The following DGKD variants were observed in gnomAD, a reference collection of about 807,000 sequenced individuals.
DGKD encodes DAG kinase delta.
A neutral mutation model predicts 154.4 loss-of-function variants in DGKD; 68 were observed. The observed-to-expected ratio is 0.44, with a 90% CI of 0.36 to 0.54. The LOEUF is 0.54. Among genes scored for constraint, DGKD ranks in the 20% least tolerant of loss-of-function variants. The probability of loss-of-function intolerance (pLI) is 0.00; values close to 1 mark genes in which losing one functional copy is unlikely to be tolerated. For synonymous variants in DGKD, 693 were observed against 638.0 expected (o/e 1.09, Z -1.30); for missense variants, 1,343 against 1,593.6 (o/e 0.84, Z 2.68).
At chr2:233,409,014 C>A (rs193298693) in intron 3 of DGKD, 2 of 152,222 alleles carry the variant, frequency 1.3e-5, no homozygotes, top group African/African-American at 4.8e-5. Flanking sequence ...CAAGCAGGCA[C>A]AGGGAGAAGA....
chr2:233,428,838 C>T (rs953694483), intron 3 of DGKD, among the ~76,000 whole-genome samples: 1 of 152,106 alleles, frequency 6.6e-6, no homozygotes, highest in African/African-American at 2.4e-5. Flanking sequence ...TCTCAGGCTT[C>T]TTCACAACAG....
rs747669327 is a variant in DGKD at position 233,354,552 on chromosome 2, C to A, written c.34C>A (p.Pro12Thr). The change falls in exon 1 of 30, where the codon CCC (proline) becomes ACC (threonine). Residue 12 changes from proline to threonine, a missense_variant. Physicochemically the swap from Pro to Thr is conservative, Grantham distance 38. Transcript: ENST00000264057. The surrounding 1 kb of genome is among the most constrained non-coding windows in gnomAD (Gnocchi z 4.8). ...AAAAGAPPPG[P>T]PQPPPPPPPE... ...GGCGGCGGGCGCCCCTCCGCCGGGTCCCCCGCAACCGCCTCCGCCGCCGCC... is the reference window on the plus strand; with the variant it reads ...GGCGGCGGGCGCCCCTCCGCCGGGTACCCCGCAACCGCCTCCGCCGCCGCC... The A allele has an allele frequency of 2.0e-4, 209 of 1,023,558 alleles. 1 individual carries two copies. In the African/African-American group the frequency reaches 3.4e-3, roughly 17 times the overall value. The allele number at this position is 1,023,558 out of a possible 1,614,324, so 63.4% of individuals were successfully genotyped here.
At chr2:233,380,574 ACTGGGGCAGTG>A (rs1228242394) in intron 1 of DGKD, among the ~76,000 whole-genome samples, 4 of 152,180 alleles carry the variant, frequency 2.6e-5, no homozygotes, top group African/African-American at 9.7e-5. Context: ...CTTGACCAGT[ACTGGGGCAGTG>A]GGGATTAGCC....
In DGKD at chr2:233,426,600, C is replaced by T. The variant is rs77154645; in HGVS notation, c.349-7780C>T. Among the ~76,000 whole-genome samples the T allele has an allele frequency of 7.5e-3, 1,136 of 152,210 alleles. 15 individuals carry two copies. The highest frequency in any genetic ancestry group is 0.026 in the African/African-American group (1,071 of 41,524). On this transcript the variant is annotated intron_variant, in intron 3 of 29. Coordinates refer to ENST00000264057, the MANE Select transcript of DGKD (RefSeq NM_152879.3). ...CGTCTTGTGTCAGGCTTATTTCTTT[C>T]GCTGTTGTAAGATTCATTACATTAT...
chr2:233,460,458 G>A (rs2063593266), intron 24 of DGKD, 113 bp downstream of exon 24: 17 of 1,378,452 alleles, frequency 1.2e-5, no homozygotes, highest in Non-Finnish European at 1.5e-5. Flanking sequence ...TGTGGGGTCT[G>A]CATTACCCAT....
In DGKD at chr2:233,449,004, C is replaced by G; in HGVS notation, c.1615-99C>G. ...GGAGAGTTAGGATTTTCCTTTTGAT[C>G]GAGTTCTAGGAAGTCTGGGTGAAAT... On this transcript the variant is annotated intron_variant, in intron 14 of 29. Coordinates refer to ENST00000264057, the MANE Select transcript of DGKD (RefSeq NM_152879.3). The surrounding 1 kb of genome is among the most constrained non-coding windows in gnomAD (Gnocchi z 5.3). 1 of 1,416,450 alleles carries G rather than the reference C, an allele frequency of 7.1e-7. No individual in the cohort carries two copies. The highest frequency in any genetic ancestry group is 9.4e-7 in the Non-Finnish European group (1 of 1,059,100). 87.7% of individuals were successfully genotyped at this position (1,416,450 alleles called of 1,614,324 possible).
chr2:233,400,329 C>T (rs2061528785), intron 3 of DGKD, among the ~76,000 whole-genome samples: 1 of 152,168 alleles, frequency 6.6e-6, no homozygotes, highest in Admixed American at 6.5e-5. Flanking sequence ...GGCCTGAGCC[C>T]TGGCCAGGTC....
chr2:233,453,493 A>C (rs930309693), intron 18 of DGKD, among the ~76,000 whole-genome samples: 3 of 152,202 alleles, frequency 2.0e-5, no homozygotes, highest in African/African-American at 7.2e-5. Context: ...GCTGTCGGGC[A>C]CTTGAATTAG....
intron 1 of DGKD, among the ~76,000 whole-genome samples, chr2:233,358,979 G>C (rs543422857): frequency 1.3e-5 from 2 of 152,184 alleles, no homozygotes; most frequent in Non-Finnish European, 2.9e-5. Context: ...AAAAGCTGCC[G>C]TAACATTTTA....
intron 19 of DGKD, 45 bp from the exon 20 acceptor site, chr2:233,456,854 C>T (rs757523087): frequency 1.5e-5 from 22 of 1,481,176 alleles, no homozygotes; most frequent in Admixed American, 5.1e-5. Flanking sequence ...GTTAACTATA[C>T]GAAGAAAGCC....
chr2:233,376,979 C>T (rs1702605598), intron 1 of DGKD, among the ~76,000 whole-genome samples: 1 of 151,542 alleles, frequency 6.6e-6, no homozygotes, highest in East Asian at 1.9e-4. Context: ...GTTAATCCTT[C>T]CATTGTTTCT....
At chr2:233,384,183 A>G (rs571482588) in intron 1 of DGKD, among the ~76,000 whole-genome samples, 18 of 152,244 alleles carry the variant, frequency 1.2e-4, no homozygotes, top group Admixed American at 1.0e-3. Context: ...TCAGGCCACC[A>G]TGTCCGCTCT....
At chr2:233,422,455 G>T (rs2062152609) in intron 3 of DGKD, among the ~76,000 whole-genome samples, 1 of 152,174 alleles carries the variant, frequency 6.6e-6, no homozygotes, top group South Asian at 2.1e-4. Flanking sequence ...TCAGGCGCAG[G>T]GACAGGCGGG....
intron 1 of DGKD, among the ~76,000 whole-genome samples, chr2:233,387,922 G>A (rs887376468): frequency 6.6e-6 from 1 of 152,156 alleles, no homozygotes; most frequent in Non-Finnish European, 1.5e-5. Flanking sequence ...CTGGCCCCGC[G>A]TCCCAGTGTC....
At chr2:233,463,643 C>CCACGCATGTCCTCACTG (rs2063736876) in intron 26 of DGKD, among the ~76,000 whole-genome samples, 3 of 145,814 alleles carry the variant, frequency 2.1e-5, no homozygotes, top group Non-Finnish European at 3.0e-5. Context: ...TCTCCTCACT[C>CCACGCATGTCCTCACTG]CACGCATGTC....
intron 3 of DGKD, among the ~76,000 whole-genome samples, chr2:233,398,871 G>A (rs532500351): frequency 3.3e-5 from 5 of 152,232 alleles, no homozygotes; most frequent in African/African-American, 1.2e-4. Flanking sequence ...TGATCTGCCC[G>A]CTTCAGCCTC....
At position 233,402,583 on chromosome 2, in the gene DGKD, G is replaced by C. The variant is rs187753210; in HGVS notation, c.348+12100G>C. Among the ~76,000 whole-genome samples the C allele has an allele frequency of 4.4e-4, 67 of 152,306 alleles. 1 individual carries two copies. The highest frequency in any genetic ancestry group is 1.5e-3 in the African/African-American group (62 of 41,566). On this transcript the variant is annotated intron_variant, in intron 3 of 29. Coordinates refer to ENST00000264057, the MANE Select transcript of DGKD (RefSeq NM_152879.3). The stretch of plus-strand genomic sequence containing the variant: ...TTCCTTGGCAAGCCCCGCTGAAGAG[G>C]TGCTCACTATTGTGGACCCCTCTGT...
At chr2:233,462,839 C>T in intron 26 of DGKD, 104 bp downstream of exon 26, 1 of 1,061,528 alleles carries the variant, frequency 9.4e-7, no homozygotes, top group Non-Finnish European at 1.4e-6. Flanking sequence ...TCCAGAGTTC[C>T]CGGTCTTAAG....
intron 10 of DGKD, chr2:233,442,478 G>A (rs1025462180): frequency 1.4e-5 from 4 of 283,602 alleles, no homozygotes; most frequent in African/African-American, 2.2e-5. Flanking sequence ...ACCAAGCCAC[G>A]GCCTCCCCAG....
Sources: gnomAD v4.1 joint callset for allele counts (sites outside exome capture counted in the v4.1 genomes callset) on GRCh38, gnomAD v4.1.1 for gene constraint, Gnocchi (gnomAD v3.1) non-coding constraint, MANE v1.5 for transcripts, NCBI Gene and HGNC (gene_info 2026-07-23, HGNC 2026-07-21) for gene names.